Variants in KYNU observed in about 807,000 individuals in gnomAD.
KYNU encodes kynureninase.
KYNU carries 54 observed loss-of-function variants against 59.2 expected under a neutral mutation model. The ratio of observed to expected loss-of-function variants is 0.91; its 90% confidence interval spans 0.73 to 1.14. KYNU has a LOEUF of 1.14. Among genes scored for constraint, KYNU ranks in the 50% most tolerant of loss-of-function variants. The pLI is 0.00. For synonymous variants in KYNU, 177 were observed against 192.0 expected (o/e 0.92, Z 0.65); for missense variants, 567 against 554.4 (o/e 1.02, Z -0.23).
rs1358940896 is a variant in KYNU, at chr2:143,042,616, A to ATGTG, written c.*445_*446insGTGT. ...TATATATATATATATATATATATAT[A>ATGTG]TATATATATATATATGTGTGTGTGT... On this transcript the variant is annotated 3_prime_UTR_variant, in exon 14 of 14. Transcript: ENST00000264170. The ATGTG allele has an allele frequency of 5.4e-4, 21 of 38,696 alleles. No homozygotes were observed. The highest frequency in any genetic ancestry group is 1.8e-3 in the African/African-American group (18 of 10,214). 2.4% of individuals were successfully genotyped at this position (38,696 alleles called of 1,614,324 possible).
At chr2:142,972,639 T>C (rs980864572) in intron 8 of KYNU, among the ~76,000 whole-genome samples, 1 of 152,114 alleles carries the variant, frequency 6.6e-6, no homozygotes, top group African/African-American at 2.4e-5. Context: ...GTTTAAGCAC[T>C]TCCTCAAGGC....
chr2:142,887,149 G>A (rs997804345), intron 2 of KYNU, among the ~76,000 whole-genome samples: 11 of 144,596 alleles, frequency 7.6e-5, no homozygotes, highest in Non-Finnish European at 1.5e-4. Flanking sequence ...CAGCTTGGGC[G>A]ACAGTCCGAG....
chr2:142,937,017 C>T (rs1683413296), intron 4 of KYNU, among the ~76,000 whole-genome samples: 1 of 152,092 alleles, frequency 6.6e-6, no homozygotes, highest in African/African-American at 2.4e-5. Context: ...GCATCAGCAC[C>T]AAGTGAGGAC....
chr2:143,048,593 G>A lies in KYNU; in HGVS notation c.*6421G>A, dbSNP rs896129197. 12 of 151,982 alleles carry A rather than the reference G, an allele frequency of 7.9e-5. No homozygotes were observed. Among genetic ancestry groups the A allele is most frequent in the African/African-American group, 2.9e-4 (12 of 41,368 alleles). 9.4% of individuals were successfully genotyped at this position (151,982 alleles called of 1,614,324 possible). ...TTCATTTTAATGAAAAACTTTTAGT[G>A]GTAAATTGTATTAGTCTTTGGGAAA... is the stretch of plus-strand genomic sequence containing the variant. On this transcript the variant is annotated 3_prime_UTR_variant, in exon 14 of 14. Coordinates refer to ENST00000264170, the MANE Select transcript of KYNU (RefSeq NM_003937.3).
intron 4 of KYNU, among the ~76,000 whole-genome samples, chr2:142,937,443 T>C (rs1182377774): frequency 6.6e-6 from 1 of 151,824 alleles, no homozygotes; most frequent in Non-Finnish European, 1.5e-5. Context: ...GATGGGCAAA[T>C]GGGATCACCT....
At chr2:142,919,232 T>C (rs938492803) in intron 3 of KYNU, among the ~76,000 whole-genome samples, 1 of 152,234 alleles carries the variant, frequency 6.6e-6, no homozygotes, top group African/African-American at 2.4e-5. Flanking sequence ...TAAGGTGACA[T>C]AGCAAGCTAG....
intron 4 of KYNU, among the ~76,000 whole-genome samples, chr2:142,928,886 T>C (rs888437443): frequency 1.5e-4 from 22 of 151,268 alleles, no homozygotes; most frequent in African/African-American, 5.4e-4. Context: ...GGCACACCCG[T>C]AGTCCCAGAT....
At chr2:143,011,256 A>G (rs28813415) in intron 10 of KYNU, among the ~76,000 whole-genome samples, 14 of 129,506 alleles carry the variant, frequency 1.1e-4, no homozygotes, top group East Asian at 1.0e-3. Flanking sequence ...GGTGAAGGAC[A>G]TGAACAGACA....
At position 142,918,128 on chromosome 2, in the gene KYNU, A is replaced by C. The variant is rs181937542; in HGVS notation, c.170-481A>C. 3.3e-5 allele frequency among the ~76,000 whole-genome samples: 5 copies of C among 152,322 alleles called. No individual in the cohort carries two copies. The East Asian group carries it at 9.6e-4, about 29-fold the overall frequency. On this transcript the variant is annotated intron_variant, in intron 2 of 13. Coordinates refer to ENST00000264170, the MANE Select transcript of KYNU (RefSeq NM_003937.3). Reference sequence around the variant, plus strand: ...ACGTGTGTATGGATATAGAATGAAAAAAACCGCATAAATCCAGTACATCTA... The same window carrying C: ...ACGTGTGTATGGATATAGAATGAAACAAACCGCATAAATCCAGTACATCTA...
intron 4 of KYNU, among the ~76,000 whole-genome samples, chr2:142,929,007 CAA>C (rs761809423): frequency 2.1e-5 from 1 of 48,438 alleles, no homozygotes; most frequent in Non-Finnish European, 3.4e-5. Context: ...CACCCTGTCT[CAA>C]AAAAAAAAAA....
At chr2:142,974,039 A>T (rs1234299298) in intron 8 of KYNU, among the ~76,000 whole-genome samples, 1 of 152,234 alleles carries the variant, frequency 6.6e-6, no homozygotes, top group African/African-American at 2.4e-5. Context: ...CCACAAACTG[A>T]ATAACCTCAA....
chr2:143,053,477 G>C lies in KYNU; in HGVS notation c.*11305G>C, dbSNP rs1301938092. 3 of 152,234 alleles carry C rather than the reference G, an allele frequency of 2.0e-5. No individual in the cohort carries two copies. Among genetic ancestry groups the C allele is most frequent in the Non-Finnish European group, 4.4e-5 (3 of 68,046 alleles). The allele number at this position is 152,234 out of a possible 1,614,324, so 9.4% of individuals were successfully genotyped here. A position where few individuals can be genotyped will look rare whatever the true frequency, so the allele number is the denominator to read the frequency against. On this transcript the variant is annotated 3_prime_UTR_variant, in exon 14 of 14. Coordinates refer to ENST00000264170, the MANE Select transcript of KYNU (RefSeq NM_003937.3). The stretch of plus-strand genomic sequence containing the variant: ...ATTTAAGAGGGGCCAGGGGCAGAAT[G>C]ATATGGTTTGACTTTGTCCGCAGTC...
intron 10 of KYNU, among the ~76,000 whole-genome samples, chr2:143,007,754 A>G (rs1326151983): frequency 8.0e-6 from 1 of 124,362 alleles, no homozygotes; most frequent in Non-Finnish European, 1.6e-5. Context: ...GCCAATATTC[A>G]ACATTCTTAA....
In KYNU at chr2:143,053,474, A is replaced by G. The variant is rs1234458685; in HGVS notation, c.*11302A>G. 6.6e-6 allele frequency: 1 copy of G among 152,218 alleles called. No individual in the cohort carries two copies. The highest frequency in any genetic ancestry group is 1.5e-5 in the Non-Finnish European group (1 of 68,056). 9.4% of individuals were successfully genotyped at this position (152,218 alleles called of 1,614,324 possible). ...AACATTTAAGAGGGGCCAGGGGCAGAATGATATGGTTTGACTTTGTCCGCA... is the reference window on the plus strand; with the variant it reads ...AACATTTAAGAGGGGCCAGGGGCAGGATGATATGGTTTGACTTTGTCCGCA... On this transcript the variant is annotated 3_prime_UTR_variant, in exon 14 of 14. Transcript: ENST00000264170.
chr2:142,999,290 C>T (rs1685641931), intron 10 of KYNU, among the ~76,000 whole-genome samples: 1 of 152,074 alleles, frequency 6.6e-6, no homozygotes, highest in African/African-American at 2.4e-5. Context: ...CCTTCATTTC[C>T]TCCTTTGTAT....
At chr2:143,011,566 T>C (rs1293228570) in intron 10 of KYNU, among the ~76,000 whole-genome samples, 1 of 79,878 alleles carries the variant, frequency 1.3e-5, no homozygotes, top group Non-Finnish European at 2.2e-5. Flanking sequence ...TTACTGGGTA[T>C]ATACCCAAAT....
intron 10 of KYNU, among the ~76,000 whole-genome samples, chr2:143,011,017 G>C (rs28820868): frequency 0.15 from 19,812 of 133,908 alleles, 4,216 homozygotes; most frequent in African/African-American, 0.4. Context: ...GACTTCATGT[G>C]CAAAACACCA....
At chr2:142,951,941 T>A (rs775103320) in intron 4 of KYNU, among the ~76,000 whole-genome samples, 1 of 152,164 alleles carries the variant, frequency 6.6e-6, no homozygotes, top group Non-Finnish European at 1.5e-5. Flanking sequence ...GTAAGTGTAG[T>A]TTAATTCTGC....
chr2:142,976,315 T>A lies in KYNU; in HGVS notation c.730-8769T>A, dbSNP rs557220720. On this transcript the variant is annotated intron_variant, in intron 8 of 13. Coordinates refer to ENST00000264170, the MANE Select transcript of KYNU (RefSeq NM_003937.3). ...TCCCCACCTGGGGCCCTTTCTTTGTTGTTGCTTACTTATCAAGGCTCCACA... is the reference window on the plus strand; with the variant it reads ...TCCCCACCTGGGGCCCTTTCTTTGTAGTTGCTTACTTATCAAGGCTCCACA... 3.9e-5 allele frequency among the ~76,000 whole-genome samples: 6 copies of A among 152,302 alleles called. No individual in the cohort carries two copies. The East Asian group carries it at 1.2e-3, about 29-fold the overall frequency.
Sources: allele counts gnomAD v4.1 joint callset (sites outside exome capture counted in the v4.1 genomes callset), GRCh38; gene constraint gnomAD v4.1.1; transcripts MANE v1.5; gene names NCBI Gene and HGNC (gene_info 2026-07-23, HGNC 2026-07-21).